BARX2: variants seen among roughly 807,000 people sequenced by gnomAD.
The protein encoded by BARX2 is homeobox protein BarH-like 2.
A neutral mutation model predicts 25.5 loss-of-function variants in BARX2; 11 were observed. The observed-to-expected ratio is 0.43, with a 90% CI of 0.27 to 0.71. The LOEUF (loss-of-function observed/expected upper bound fraction) is 0.71. Ranked by LOEUF, BARX2 falls within the 30% of genes least tolerant of loss-of-function variation. The pLI is 0.19. For synonymous variants in BARX2, 137 were observed against 149.5 expected (o/e 0.92, Z 0.61); for missense variants, 360 against 359.9 (o/e 1.00, Z 0.00).
intron 1 of BARX2, among the ~76,000 whole-genome samples, chr11:129,433,225 C>T (rs1862148554): frequency 6.6e-6 from 1 of 152,194 alleles, no homozygotes; most frequent in African/African-American, 2.4e-5. Context: ...TCAGGCCTCT[C>T]CTGGCAACTC....
intron 1 of BARX2, among the ~76,000 whole-genome samples, chr11:129,409,043 G>A (rs984896161): frequency 4.0e-5 from 6 of 150,876 alleles, no homozygotes; most frequent in Non-Finnish European, 7.4e-5. Flanking sequence ...AGACCTTGTG[G>A]GCCAGGAGCT....
chr11:129,398,301 G>T (rs896793253), intron 1 of BARX2, among the ~76,000 whole-genome samples: 3 of 152,134 alleles, frequency 2.0e-5, no homozygotes, highest in Non-Finnish European at 1.5e-5. Context: ...GTAGGGCTTT[G>T]TGTTTTACCA....
At chr11:129,422,504 G>A (rs1346925340) in intron 1 of BARX2, among the ~76,000 whole-genome samples, 5 of 151,990 alleles carry the variant, frequency 3.3e-5, no homozygotes, top group East Asian at 1.9e-4. Context: ...TCACTATGTC[G>A]CCTAGGTTGA....
chr11:129,440,435 G>A (rs923971838), intron 2 of BARX2, among the ~76,000 whole-genome samples: 2 of 152,224 alleles, frequency 1.3e-5, no homozygotes, highest in Non-Finnish European at 2.9e-5. Flanking sequence ...AGGGAGGCCT[G>A]GGAGACCAGA....
chr11:129,445,761 T>C (rs1862319461), intron 3 of BARX2, among the ~76,000 whole-genome samples: 1 of 152,184 alleles, frequency 6.6e-6, no homozygotes, highest in South Asian at 2.1e-4. Flanking sequence ...GGTATTATTA[T>C]TTCACGGAGC....
At chr11:129,433,447 A>G (rs1029221189) in intron 1 of BARX2, among the ~76,000 whole-genome samples, 1 of 152,088 alleles carries the variant, frequency 6.6e-6, no homozygotes, top group African/African-American at 2.4e-5. Flanking sequence ...CATCTTGCCA[A>G]TGGCTTTTTT....
chr11:129,383,863 G>GT (rs1378391055), intron 1 of BARX2, among the ~76,000 whole-genome samples: 2 of 151,986 alleles, frequency 1.3e-5, no homozygotes, highest in African/African-American at 4.8e-5. Context: ...AGTATTTTCT[G>GT]TTTTTTGTTT....
At chr11:129,434,421 T>TAAAAAA (rs56344103) in intron 1 of BARX2, among the ~76,000 whole-genome samples, 15 of 76,354 alleles carry the variant, frequency 2.0e-4, no homozygotes, top group South Asian at 7.2e-4. Context: ...AAAAAGTAAG[T>TAAAAAA]AAAAAAAAAA....
chr11:129,382,367 C>T (rs1411441869), intron 1 of BARX2, among the ~76,000 whole-genome samples: 2 of 152,020 alleles, frequency 1.3e-5, no homozygotes, highest in East Asian at 3.9e-4. Context: ...TTAGTAGAGA[C>T]GGGGTTTCAC....
chr11:129,437,272 A>G, intron 2 of BARX2: 1 of 581,804 alleles, frequency 1.7e-6, no homozygotes, highest in Non-Finnish European at 2.6e-6. Context: ...AACTTAACTC[A>G]CCACTTTATC....
chr11:129,439,011 A>C lies in BARX2; in HGVS notation c.488+1960A>C, dbSNP rs138155565. 7.7e-4 allele frequency among the ~76,000 whole-genome samples: 117 copies of C among 152,288 alleles called. 3 individuals are homozygous for C. Among genetic ancestry groups the C allele is most frequent in the African/African-American group, 2.8e-3 (116 of 41,576 alleles). On this transcript the variant is annotated intron_variant, in intron 2 of 3. Transcript: ENST00000281437. ...AAGTAGCCAGGACATCTCCAGCTTA[A>C]GGTGTGAACAGGCAAATGGTGGACC...
At position 129,436,684 on chromosome 11, in the gene BARX2, C is replaced by A; in HGVS notation, c.188-67C>A. On this transcript the variant is annotated intron_variant, in intron 1 of 3. Transcript: ENST00000281437. This position sits in a 1 kb window ranked among gnomAD's most constrained non-coding sequence, Gnocchi z 4.5. Reference sequence around the variant, plus strand: ...CAGACAGACCTCAGCCAGCGGCCCTCCGCAGGTCCTGGCCTGCTTCCCCAC... The same window carrying A: ...CAGACAGACCTCAGCCAGCGGCCCTACGCAGGTCCTGGCCTGCTTCCCCAC... The A allele has an allele frequency of 1.3e-6, 2 of 1,494,244 alleles. No individual in the cohort carries two copies. Among genetic ancestry groups the A allele is most frequent in the Non-Finnish European group, 1.8e-6 (2 of 1,114,592 alleles). The allele number at this position is 1,494,244 out of a possible 1,614,324, so 92.6% of individuals were successfully genotyped here. A position where few individuals can be genotyped will look rare whatever the true frequency, so the allele number is the denominator to read the frequency against.
chr11:129,414,661 C>T (rs1291979257), intron 1 of BARX2, among the ~76,000 whole-genome samples: 1 of 152,152 alleles, frequency 6.6e-6, no homozygotes, highest in African/African-American at 2.4e-5. Context: ...AATGACAGCA[C>T]TGGGGAGAAG....
At chr11:129,403,812 C>G (rs1861801495) in intron 1 of BARX2, among the ~76,000 whole-genome samples, 1 of 152,138 alleles carries the variant, frequency 6.6e-6, no homozygotes, top group African/African-American at 2.4e-5. Context: ...TCTTGAACTC[C>G]TGGGCTCAAG....
At chr11:129,378,563 C>CTTTTTTTTTTTT (rs56804728) in intron 1 of BARX2, among the ~76,000 whole-genome samples, 506 of 111,072 alleles carry the variant, frequency 4.6e-3, no homozygotes, top group Non-Finnish European at 6.4e-3. Flanking sequence ...TTTTCTTTTT[C>CTTTTTTTTTTTT]TTTTTTTTTT....
chr11:129,406,072 C>T (rs1451758839), intron 1 of BARX2, among the ~76,000 whole-genome samples: 1 of 152,158 alleles, frequency 6.6e-6, no homozygotes, highest in Non-Finnish European at 1.5e-5. Context: ...TTGTTACCTA[C>T]TGAGCATAGC....
intron 1 of BARX2, among the ~76,000 whole-genome samples, chr11:129,423,362 A>G (rs1288625480): frequency 1.4e-5 from 2 of 148,046 alleles, no homozygotes; most frequent in East Asian, 2.1e-4. Flanking sequence ...TGATCCACCC[A>G]CCTTGGCCTC....
At chr11:129,409,500 G>A (rs1861866001) in intron 1 of BARX2, among the ~76,000 whole-genome samples, 1 of 151,874 alleles carries the variant, frequency 6.6e-6, no homozygotes. Flanking sequence ...TTATGAAACA[G>A]GAACATCTTT....
chr11:129,378,189 C>T (rs560110171), intron 1 of BARX2, among the ~76,000 whole-genome samples: 5 of 152,180 alleles, frequency 3.3e-5, no homozygotes, highest in Admixed American at 2.0e-4. Context: ...TTTCTTCTTT[C>T]GGATTGTTAG....
Sources: allele counts gnomAD v4.1 joint callset (sites outside exome capture counted in the v4.1 genomes callset), GRCh38; gene constraint gnomAD v4.1.1; non-coding constraint Gnocchi (gnomAD v3.1); transcripts MANE v1.5; gene names NCBI Gene and HGNC (gene_info 2026-07-23, HGNC 2026-07-21).